CHLSN: variants seen among roughly 807,000 people sequenced by gnomAD.
CHLSN encodes the protein cholesin.
At chr7:1,017,587 G>A in the CHLSN span, among the ~76,000 whole-genome samples, 2 of 152,332 alleles carry the variant, frequency 1.3e-5, no homozygotes, top group African/African-American at 2.4e-5. Flanking sequence ...GGAGGACAGC[G>A]AGACAGCTAC....
chr7:1,068,482 C>T, the CHLSN span, among the ~76,000 whole-genome samples: 1 of 152,152 alleles, frequency 6.6e-6, no homozygotes, highest in Admixed American at 6.5e-5. Context: ...TCCACAGTCA[C>T]ACAAACTCGG....
chr7:1,112,158 C>T, the CHLSN span, among the ~76,000 whole-genome samples: 12 of 152,158 alleles, frequency 7.9e-5, no homozygotes, highest in Admixed American at 6.5e-4. Flanking sequence ...ATGGAAATTC[C>T]ACTGACATGG....
the CHLSN span, among the ~76,000 whole-genome samples, chr7:1,095,683 T>A: frequency 6.6e-6 from 1 of 152,160 alleles, no homozygotes; most frequent in East Asian, 1.9e-4. Context: ...GTAAGCGCTG[T>A]CCCCACCACA....
At chr7:986,674 C>T in the CHLSN span, 361 of 1,612,574 alleles carry the variant, frequency 2.2e-4, no homozygotes, top group Non-Finnish European at 2.9e-4. Flanking sequence ...TGCACCGGCC[C>T]GTCCTGCGCA....
chr7:1,004,033 C>T, the CHLSN span, among the ~76,000 whole-genome samples: 1 of 150,966 alleles, frequency 6.6e-6, no homozygotes, highest in African/African-American at 2.5e-5. Context: ...GTGGGGAGTC[C>T]TGCGGGTGTG....
At chr7:1,012,902 C>A in the CHLSN span, among the ~76,000 whole-genome samples, 1 of 152,222 alleles carries the variant, frequency 6.6e-6, no homozygotes, top group African/African-American at 2.4e-5. Context: ...CCAGGCAATT[C>A]CCCAAGGCTG....
At chr7:1,135,917 A>G in the CHLSN span, among the ~76,000 whole-genome samples, 1 of 126,776 alleles carries the variant, frequency 7.9e-6, no homozygotes, top group African/African-American at 3.3e-5. Flanking sequence ...AAAAATATAT[A>G]TAAGTATATA....
chr7:989,958 C>T, the CHLSN span, among the ~76,000 whole-genome samples: 3 of 124,372 alleles, frequency 2.4e-5, no homozygotes, highest in East Asian at 2.6e-4. Flanking sequence ...GTGGCGTGGT[C>T]GGCAGTGTGA....
chr7:1,009,741 C>T, the CHLSN span, among the ~76,000 whole-genome samples: 8 of 152,256 alleles, frequency 5.3e-5, no homozygotes, highest in Non-Finnish European at 8.8e-5. Context: ...GCACGGGCAG[C>T]GGCTCTGCTG....
At chr7:1,000,022 G>A in the CHLSN span, among the ~76,000 whole-genome samples, 1 of 152,208 alleles carries the variant, frequency 6.6e-6, no homozygotes, top group Non-Finnish European at 1.5e-5. Context: ...ACACACGCAC[G>A]TGTAGACACA....
At chr7:1,019,909 G>A in the CHLSN span, among the ~76,000 whole-genome samples, 4 of 152,366 alleles carry the variant, frequency 2.6e-5, no homozygotes, top group East Asian at 1.9e-4. Flanking sequence ...CACTGACCGC[G>A]GCCCGGAGGC....
the CHLSN span, among the ~76,000 whole-genome samples, chr7:1,061,725 A>G: frequency 6.6e-6 from 1 of 152,156 alleles, no homozygotes; most frequent in South Asian, 2.1e-4. Flanking sequence ...GTAAAAAGTC[A>G]AGGTAGTCAT....
the CHLSN span, among the ~76,000 whole-genome samples, chr7:1,078,650 G>A: frequency 6.6e-6 from 1 of 152,198 alleles, no homozygotes; most frequent in Admixed American, 6.5e-5. Context: ...GCACTCCCGG[G>A]GGGTTGGCTA....
the CHLSN span, among the ~76,000 whole-genome samples, chr7:1,102,528 C>A: frequency 6.6e-6 from 1 of 152,198 alleles, no homozygotes; most frequent in South Asian, 2.1e-4. Context: ...TTGGTAAAAC[C>A]AAAGGAGTGT....
At chr7:1,013,702 T>G in the CHLSN span, among the ~76,000 whole-genome samples, 1 of 152,206 alleles carries the variant, frequency 6.6e-6, no homozygotes, top group Admixed American at 6.5e-5. Context: ...AGCACCGGCC[T>G]GTCACAGACG....
At chr7:1,046,198 C>T in the CHLSN span, among the ~76,000 whole-genome samples, 1 of 152,168 alleles carries the variant, frequency 6.6e-6, no homozygotes, top group African/African-American at 2.4e-5. Context: ...GAAGGGGCTC[C>T]TCAGGGAGCT....
chr7:1,011,876 G>C, the CHLSN span, among the ~76,000 whole-genome samples: 1 of 152,150 alleles, frequency 6.6e-6, no homozygotes. Flanking sequence ...GAAGAGTCCC[G>C]GTGGGAAGGC....
At chr7:1,054,435 C>T in the CHLSN span, among the ~76,000 whole-genome samples, 1 of 152,246 alleles carries the variant, frequency 6.6e-6, no homozygotes, top group Non-Finnish European at 1.5e-5. Flanking sequence ...TGAACCCCAC[C>T]TGGAGGCCGG....
the CHLSN span, among the ~76,000 whole-genome samples, chr7:1,086,049 T>G: frequency 6.6e-6 from 1 of 152,186 alleles, no homozygotes; most frequent in Non-Finnish European, 1.5e-5. Flanking sequence ...AAGACCCAGA[T>G]GCCCCGATCC....
Sources: gnomAD v4.1 joint callset for allele counts (sites outside exome capture counted in the v4.1 genomes callset) on GRCh38, gnomAD v4.1.1 for gene constraint, MANE v1.5 for transcripts, NCBI Gene and HGNC (gene_info 2026-07-23, HGNC 2026-07-21) for gene names.